ARMC9: variants seen among roughly 807,000 people sequenced by gnomAD.
ARMC9 encodes the protein lisH domain-containing protein ARMC9.
Under a neutral mutation model 107.0 loss-of-function variants are expected in ARMC9, and 94 were observed. The observed-to-expected ratio is 0.88, with a 90% CI of 0.74 to 1.04. The LOEUF (loss-of-function observed/expected upper bound fraction) is 1.04, where lower values mean the gene tolerates loss of function less well. Ranked by LOEUF, ARMC9 falls within the 50% of genes least tolerant of loss-of-function variation. The pLI is 0.00. For synonymous variants in ARMC9, 380 were observed against 396.9 expected, an observed-to-expected ratio of 0.96 and a Z score of 0.51; for missense variants, 942 against 1,030.1, an observed-to-expected ratio of 0.91 and a Z score of 1.17.
At chr2:231,210,302 C>T (rs2032641035) in intron 3 of ARMC9, among the ~76,000 whole-genome samples, 1 of 152,150 alleles carries the variant, frequency 6.6e-6, no homozygotes, top group Non-Finnish European at 1.5e-5. Context: ...CTCCCTGGCA[C>T]CCCCCACACC....
intron 6 of ARMC9, among the ~76,000 whole-genome samples, chr2:231,226,489 A>G (rs1038138024): frequency 3.9e-5 from 6 of 152,062 alleles, no homozygotes; most frequent in African/African-American, 1.4e-4. Context: ...TTGGAAGGGG[A>G]TAGGAAGGGG....
At chr2:231,293,242 G>GAAAA (rs2041140623) in intron 18 of ARMC9, among the ~76,000 whole-genome samples, 1 of 152,028 alleles carries the variant, frequency 6.6e-6, no homozygotes, top group Non-Finnish European at 1.5e-5. Flanking sequence ...CCTCATTCTG[G>GAAAA]CATATTGAAA....
At chr2:231,266,443 ATCTC>A (rs2038866193) in intron 12 of ARMC9, among the ~76,000 whole-genome samples, 1 of 152,020 alleles carries the variant, frequency 6.6e-6, no homozygotes, top group Non-Finnish European at 1.5e-5. Flanking sequence ...CTTCATAAAT[ATCTC>A]TCTTCATATC....
At chr2:231,357,189 C>T (rs1240951401) in intron 22 of ARMC9, among the ~76,000 whole-genome samples, 2 of 152,170 alleles carry the variant, frequency 1.3e-5, no homozygotes, top group Non-Finnish European at 1.5e-5. Context: ...AGGCACATTC[C>T]GGGTTCTTGC....
intron 19 of ARMC9, among the ~76,000 whole-genome samples, chr2:231,301,645 T>C (rs1436014358): frequency 6.6e-6 from 1 of 152,240 alleles, no homozygotes; most frequent in Non-Finnish European, 1.5e-5. Flanking sequence ...ATATTTTTTC[T>C]AATCTCTTTT....
chr2:231,350,990 G>A (rs866862155), intron 21 of ARMC9, among the ~76,000 whole-genome samples: 1 of 97,682 alleles, frequency 1.0e-5, no homozygotes, highest in Non-Finnish European at 1.8e-5. Context: ...ACAGAGTCTC[G>A]CTCTGTCAGC....
intron 5 of ARMC9, among the ~76,000 whole-genome samples, chr2:231,220,223 T>C (rs2033971492): frequency 6.6e-6 from 1 of 152,192 alleles, no homozygotes; most frequent in Admixed American, 6.6e-5. Context: ...TTTCAGAAGT[T>C]TATTTTTTTG....
chr2:231,317,121 A>G (rs2042737681), intron 19 of ARMC9, among the ~76,000 whole-genome samples: 2 of 150,830 alleles, frequency 1.3e-5, no homozygotes, highest in Admixed American at 6.6e-5. Context: ...CGGTTTGTCT[A>G]TGATGTACCT....
intron 9 of ARMC9, among the ~76,000 whole-genome samples, chr2:231,242,150 C>CTT (rs779277500): frequency 2.9e-5 from 4 of 139,962 alleles, no homozygotes; most frequent in Admixed American, 7.2e-5. Context: ...AGTTCAAATG[C>CTT]TTTTTTTTTT....
At chr2:231,300,020 T>C (rs2041627342) in intron 19 of ARMC9, among the ~76,000 whole-genome samples, 1 of 152,228 alleles carries the variant, frequency 6.6e-6, no homozygotes, top group African/African-American at 2.4e-5. Context: ...AAAAGGGCTG[T>C]TGGTAAATCA....
rs1441207248 is a variant in ARMC9, at chr2:231,258,848, C to T, written c.915-143C>T. 8.8e-5 allele frequency: 62 copies of T among 701,984 alleles called. 1 individual carries two copies. In the South Asian group the frequency reaches 1.0e-3, roughly 12 times the overall value. The allele number at this position is 701,984 out of a possible 1,614,324, so 43.5% of individuals were successfully genotyped here. A position where few individuals can be genotyped will look rare whatever the true frequency, so the allele number is the denominator to read the frequency against. The stretch of plus-strand genomic sequence containing the variant: ...TGAGGTAGGAGCCTAGAACCCAGCC[C>T]GCCCTCCAAGTGGAAGCCGGGAGGT... On this transcript the variant is annotated intron_variant, in intron 10 of 24. Transcript: ENST00000611582.
chr2:231,291,979 AC>A (rs2041032128), intron 18 of ARMC9, among the ~76,000 whole-genome samples: 1 of 150,790 alleles, frequency 6.6e-6, no homozygotes, highest in African/African-American at 2.4e-5. Flanking sequence ...GACCAGCCTT[AC>A]CAACATGGTG....
intron 17 of ARMC9, among the ~76,000 whole-genome samples, chr2:231,290,275 A>T (rs2040894365): frequency 6.6e-6 from 1 of 152,226 alleles, no homozygotes; most frequent in African/African-American, 2.4e-5. Context: ...CTTTTCTAGA[A>T]GGTAGTGCTC....
At position 231,371,747 on chromosome 2, in the gene ARMC9, G is replaced by T; in HGVS notation, c.*212G>T. 1 of 424,096 alleles carries T rather than the reference G, an allele frequency of 2.4e-6. No individual in the cohort carries two copies. The highest frequency in any genetic ancestry group is 4.0e-6 in the Non-Finnish European group (1 of 251,042). The allele number at this position is 424,096 out of a possible 1,614,324, so 26.3% of individuals were successfully genotyped here. A position where few individuals can be genotyped will look rare whatever the true frequency, so the allele number is the denominator to read the frequency against. ...TCTCCCAGGGCAGAGCCACCAAGGA[G>T]GGCTGGGGAGAGCCTGGCATTGCCC... On this transcript the variant is annotated 3_prime_UTR_variant, in exon 25 of 25. Coordinates refer to ENST00000611582, the MANE Select transcript of ARMC9 (RefSeq NM_001352754.2).
In ARMC9 at chr2:231,226,709, G is replaced by A. The variant is rs967152505; in HGVS notation, c.598-65G>A. 8 of 1,562,280 alleles carry A rather than the reference G, an allele frequency of 5.1e-6. No individual in the cohort carries two copies. The South Asian group carries it at 8.9e-5, about 17-fold the overall frequency. On this transcript the variant is annotated intron_variant, in intron 6 of 24. Transcript: ENST00000611582. ...AGGTGCTTTCTCACATTGGCCACAG[G>A]ATGTCCGATACCCCAAGTACCGTTC...
Position 231,354,263 on chromosome 2 carries a change from T to TAAAAAAAA in ARMC9, c.1995-1519_1995-1512dup, listed in dbSNP as rs759691541. On this transcript the variant is annotated intron_variant, in intron 21 of 24. Coordinates refer to ENST00000611582, the MANE Select transcript of ARMC9 (RefSeq NM_001352754.2). ...AGTCAACACAGACCTCATCTCCATT[T>TAAAAAAAA]AAAAAAAAAAAAAAAAAAAAAAAGA... 1.7e-4 allele frequency among the ~76,000 whole-genome samples: 17 copies of TAAAAAAAA among 100,444 alleles called. 1 individual carries two copies. The highest frequency in any genetic ancestry group is 6.1e-4 in the African/African-American group (13 of 21,396). The allele number at this position is 100,444 out of a possible 152,430, so 65.9% of individuals were successfully genotyped here.
intron 9 of ARMC9, among the ~76,000 whole-genome samples, chr2:231,247,729 G>C (rs1452717606): frequency 1.3e-5 from 2 of 152,154 alleles, no homozygotes; most frequent in East Asian, 3.9e-4. Context: ...TCAGGAGTTT[G>C]AGACCAGCCT....
At chr2:231,322,415 T>C (rs1319526461) in intron 19 of ARMC9, among the ~76,000 whole-genome samples, 7 of 152,258 alleles carry the variant, frequency 4.6e-5, no homozygotes, top group Non-Finnish European at 7.3e-5. Context: ...TATAGAAGTC[T>C]TATAATTATT....
chr2:231,314,609 GC>G (rs1272267309), intron 19 of ARMC9, among the ~76,000 whole-genome samples: 6 of 152,214 alleles, frequency 3.9e-5, no homozygotes. Flanking sequence ...CATGGCCTCT[GC>G]CCATTAGATG....
Sources: gnomAD v4.1 joint callset for allele counts (sites outside exome capture counted in the v4.1 genomes callset) on GRCh38, gnomAD v4.1.1 for gene constraint, MANE v1.5 for transcripts, NCBI Gene and HGNC (gene_info 2026-07-23, HGNC 2026-07-21) for gene names.